GRB10: variants seen among roughly 807,000 people sequenced by gnomAD.
The protein encoded by GRB10 is growth factor receptor bound protein 10, also known as growth factor receptor-bound protein 10.
GRB10 carries 20 observed loss-of-function variants against 80.9 expected under a neutral mutation model. The observed-to-expected ratio is 0.25, with a 90% CI of 0.17 to 0.36. The LOEUF (loss-of-function observed/expected upper bound fraction) is 0.36. GRB10 is among the 10% of genes least tolerant of loss of function. The pLI, the probability that GRB10 is intolerant of heterozygous loss-of-function variation, is 1.00. For synonymous variants in GRB10, 291 were observed against 291.5 expected (o/e 1.00, Z 0.02); for missense variants, 548 against 747.7 (o/e 0.73, Z 3.12).
chr7:50,762,322 T>G (rs1476092414), intron 2 of GRB10, among the ~76,000 whole-genome samples: 1 of 150,650 alleles, frequency 6.6e-6, no homozygotes, highest in African/African-American at 2.4e-5. Context: ...TACGAGATCC[T>G]TTGAAGAAAA....
rs552152803 is a variant in GRB10 at position 50,651,482 on chromosome 7, T to C, written c.504+18240A>G. ...CCCTTAGAAAAGGACACCAGTCATA[T>C]TGGCTAAGGAGCCCAGCCTACTCCA... On this transcript the variant is annotated intron_variant, in intron 7 of 18. Transcript: ENST00000401949. Among the ~76,000 whole-genome samples the C allele has an allele frequency of 6.6e-5, 10 of 152,348 alleles. No individual in the cohort carries two copies. In the South Asian group the frequency reaches 1.7e-3, roughly 25 times the overall value.
At chr7:50,737,692 T>C (rs759427940) in intron 3 of GRB10, among the ~76,000 whole-genome samples, 6 of 151,944 alleles carry the variant, frequency 3.9e-5, no homozygotes, top group South Asian at 2.1e-4. Context: ...CTACTAAATA[T>C]ACAAAAATTA....
chr7:50,667,987 C>T (rs939455291), intron 7 of GRB10, among the ~76,000 whole-genome samples: 5 of 152,162 alleles, frequency 3.3e-5, no homozygotes, highest in African/African-American at 1.2e-4. Flanking sequence ...TGACAAAACC[C>T]ACAGACAGCT....
intron 3 of GRB10, among the ~76,000 whole-genome samples, chr7:50,745,319 A>C (rs1260066488): frequency 6.6e-6 from 1 of 152,250 alleles, no homozygotes; most frequent in African/African-American, 2.4e-5. Flanking sequence ...AATTCATTAA[A>C]GATTTGTTTC....
At chr7:50,662,229 G>A (rs73114899) in intron 7 of GRB10, among the ~76,000 whole-genome samples, 14,906 of 152,000 alleles carry the variant, frequency 0.098, 963 homozygotes, top group Non-Finnish European at 0.11. Context: ...GGCAGTGGAG[G>A]TGCTGTCCTT....
At chr7:50,707,460 C>T (rs916666861) in intron 4 of GRB10, among the ~76,000 whole-genome samples, 12 of 152,250 alleles carry the variant, frequency 7.9e-5, no homozygotes, top group African/African-American at 2.9e-4. Flanking sequence ...ATTTTCCATT[C>T]TCACAGCCTG....
At chr7:50,711,356 C>T (rs770687541) in intron 4 of GRB10, among the ~76,000 whole-genome samples, 9 of 151,950 alleles carry the variant, frequency 5.9e-5, no homozygotes, top group African/African-American at 1.2e-4. Context: ...GGTCCCAGAG[C>T]TCCCTGGGGC....
chr7:50,701,350 A>T (rs1341537030), intron 5 of GRB10, among the ~76,000 whole-genome samples: 1 of 152,190 alleles, frequency 6.6e-6, no homozygotes, highest in Non-Finnish European at 1.5e-5. Context: ...TAAACCAAGC[A>T]CTTCCAGTGG....
intron 4 of GRB10, among the ~76,000 whole-genome samples, chr7:50,723,594 G>A (rs1489084493): frequency 6.6e-6 from 1 of 152,196 alleles, no homozygotes; most frequent in Non-Finnish European, 1.5e-5. Context: ...TGGATCCCAG[G>A]AGCAAAGGCC....
At chr7:50,642,806 T>C (rs2056509126) in intron 7 of GRB10, among the ~76,000 whole-genome samples, 1 of 152,120 alleles carries the variant, frequency 6.6e-6, no homozygotes, top group South Asian at 2.1e-4. Flanking sequence ...CTATTATAAA[T>C]ATAATGTGTT....
intron 4 of GRB10, among the ~76,000 whole-genome samples, chr7:50,705,658 C>T (rs1351227426): frequency 6.6e-6 from 1 of 152,214 alleles, no homozygotes; most frequent in Non-Finnish European, 1.5e-5. Flanking sequence ...TTATCTTCCA[C>T]ATATTGTGTT....
chr7:50,749,128 T>TGG (rs2073640270), intron 3 of GRB10, among the ~76,000 whole-genome samples: 1 of 77,360 alleles, frequency 1.3e-5, no homozygotes, highest in South Asian at 5.1e-4. Flanking sequence ...TTTTGTTTTT[T>TGG]TGTTTGTTTT....
intron 4 of GRB10, among the ~76,000 whole-genome samples, chr7:50,716,635 T>C (rs1352547212): frequency 6.6e-6 from 1 of 152,126 alleles, no homozygotes; most frequent in Non-Finnish European, 1.5e-5. Flanking sequence ...AGATATAAAA[T>C]GACCAAATCC....
chr7:50,605,650 G>A (rs985644777), intron 14 of GRB10, among the ~76,000 whole-genome samples: 3 of 152,178 alleles, frequency 2.0e-5, no homozygotes, highest in African/African-American at 7.2e-5. Flanking sequence ...GGCTGCTGGT[G>A]AGGCCCCCGG....
intron 3 of GRB10, chr7:50,747,738 G>A (rs2073233235): frequency 6.6e-6 from 1 of 152,238 alleles, no homozygotes; most frequent in Non-Finnish European, 1.5e-5. Context: ...CCCAGGCCTT[G>A]ATGGATGCTC....
intron 5 of GRB10, among the ~76,000 whole-genome samples, chr7:50,687,737 A>T (rs1586889702): frequency 1.3e-5 from 2 of 151,822 alleles, no homozygotes; most frequent in African/African-American, 4.8e-5. Context: ...CCCCCTCAGT[A>T]CCTTGTCCTG....
intron 6 of GRB10, among the ~76,000 whole-genome samples, chr7:50,671,108 C>G (rs2060310184): frequency 1.3e-5 from 2 of 152,162 alleles, no homozygotes; most frequent in Non-Finnish European, 2.9e-5. Context: ...AACTTCTGGC[C>G]CACACCTCCA....
chr7:50,597,964 A>C (rs553654983), intron 17 of GRB10, among the ~76,000 whole-genome samples: 1 of 152,102 alleles, frequency 6.6e-6, no homozygotes, highest in Non-Finnish European at 1.5e-5. Context: ...CCTAGGTTCA[A>C]GCGATTCTCC....
chr7:50,650,583 G>C (rs1025191786), intron 7 of GRB10, among the ~76,000 whole-genome samples: 11 of 152,182 alleles, frequency 7.2e-5, no homozygotes, highest in African/African-American at 2.7e-4. Flanking sequence ...GAAGATAAAG[G>C]GGGCAGCTGC....
Sources: allele counts gnomAD v4.1 joint callset (sites outside exome capture counted in the v4.1 genomes callset), GRCh38; gene constraint gnomAD v4.1.1; transcripts MANE v1.5; gene names NCBI Gene and HGNC (gene_info 2026-07-23, HGNC 2026-07-21).